Variants in FSTL4 observed in about 807,000 individuals in gnomAD.
FSTL4 encodes follistatin like 4.
Under a neutral mutation model 78.2 loss-of-function variants are expected in FSTL4, and 28 were observed. The ratio of observed to expected loss-of-function variants is 0.36; its 90% CI spans 0.27 to 0.49. The LOEUF is 0.49. FSTL4 is among the 20% of genes least tolerant of loss of function. FSTL4 has a pLI of 0.98. For synonymous variants in FSTL4, 422 were observed against 440.5 expected (o/e 0.96, Z 0.53); for missense variants, 922 against 1,084.9 (o/e 0.85, Z 2.11).
chr5:133,794,269 A>G, the FSTL4 span, among the ~76,000 whole-genome samples: 1 of 152,236 alleles, frequency 6.6e-6, no homozygotes, highest in Admixed American at 6.5e-5. Flanking sequence ...GGGGGCCACC[A>G]CTGTGTGTTT....
chr5:133,272,803 C>CT (rs1375585474), intron 6 of FSTL4, among the ~76,000 whole-genome samples: 1 of 152,234 alleles, frequency 6.6e-6, no homozygotes, highest in Non-Finnish European at 1.5e-5. Context: ...GGCAACAGAT[C>CT]TATAACTGTT....
chr5:133,364,009 A>G lies in FSTL4; in HGVS notation c.409+36729T>C, dbSNP rs1755125425. On this transcript the variant is annotated intron_variant, in intron 4 of 15. Coordinates refer to ENST00000265342, the MANE Select transcript of FSTL4 (RefSeq NM_015082.2). Reference sequence around the variant, plus strand: ...TCACCAGCCTTCCCGTAGATGCTTTAGCCCACCTCTGGGCCCTGAATGTGC... The same window carrying G: ...TCACCAGCCTTCCCGTAGATGCTTTGGCCCACCTCTGGGCCCTGAATGTGC... Among the ~76,000 whole-genome samples the G allele has an allele frequency of 2.0e-5, 3 of 152,226 alleles. No homozygotes were observed. In the South Asian group the frequency reaches 6.2e-4, roughly 32 times the overall value.
At chr5:133,449,350 G>A (rs947149428) in intron 3 of FSTL4, among the ~76,000 whole-genome samples, 9 of 152,216 alleles carry the variant, frequency 5.9e-5, no homozygotes, top group East Asian at 1.9e-4. Flanking sequence ...GTGGAGTTCC[G>A]TGGCATCAGG....
the FSTL4 span, among the ~76,000 whole-genome samples, chr5:133,820,535 T>C: frequency 2.6e-5 from 4 of 152,240 alleles, no homozygotes; most frequent in Non-Finnish European, 4.4e-5. Context: ...CTGTGGATCA[T>C]GTACATGGTC....
chr5:133,558,896 A>C (rs1759856073), intron 3 of FSTL4, among the ~76,000 whole-genome samples: 1 of 152,190 alleles, frequency 6.6e-6, no homozygotes, highest in Non-Finnish European at 1.5e-5. Context: ...ATCAGGAGAG[A>C]GAGTGTTGGC....
the FSTL4 span, among the ~76,000 whole-genome samples, chr5:133,668,500 G>T: frequency 2.0e-5 from 3 of 152,132 alleles, no homozygotes; most frequent in East Asian, 5.8e-4. Context: ...TACATTCTGC[G>T]AGCTGCCAGA....
At chr5:133,651,612 C>T in the FSTL4 span, among the ~76,000 whole-genome samples, 1 of 151,480 alleles carries the variant, frequency 6.6e-6, no homozygotes, top group African/African-American at 2.4e-5. Flanking sequence ...GTGTATAACT[C>T]CTTTTAAACA....
chr5:133,276,591 G>A (rs1752889826), intron 6 of FSTL4, among the ~76,000 whole-genome samples: 1 of 152,140 alleles, frequency 6.6e-6, no homozygotes, highest in South Asian at 2.1e-4. Context: ...GGGTACCTTG[G>A]GGCCAAAGGC....
chr5:133,325,123 T>G (rs1754174077), intron 4 of FSTL4, among the ~76,000 whole-genome samples: 1 of 152,204 alleles, frequency 6.6e-6, no homozygotes, highest in Admixed American at 6.5e-5. Context: ...GCATTGCTGG[T>G]CAGGAGAGCC....
At chr5:133,378,737 C>T (rs1755500536) in intron 4 of FSTL4, among the ~76,000 whole-genome samples, 1 of 151,762 alleles carries the variant, frequency 6.6e-6, no homozygotes, top group African/African-American at 2.4e-5. Flanking sequence ...ATATGGTAAA[C>T]CCCAGAAAAA....
intron 4 of FSTL4, among the ~76,000 whole-genome samples, chr5:133,378,939 C>T (rs931724541): frequency 1.3e-5 from 2 of 151,988 alleles, no homozygotes; most frequent in Non-Finnish European, 2.9e-5. Context: ...ATATTAAATG[C>T]TAATGAATTA....
intron 3 of FSTL4, among the ~76,000 whole-genome samples, chr5:133,479,323 C>G (rs1390017827): frequency 6.6e-6 from 1 of 152,202 alleles, no homozygotes; most frequent in African/African-American, 2.4e-5. Context: ...AGTGAATCAA[C>G]CAGAAGGCAC....
chr5:133,812,467 C>T, the FSTL4 span, among the ~76,000 whole-genome samples: 1 of 152,262 alleles, frequency 6.6e-6, no homozygotes, highest in Non-Finnish European at 1.5e-5. Context: ...TTCTCAAACA[C>T]ACCAGGCTTG....
chr5:133,512,708 C>T (rs1758759873), intron 3 of FSTL4, among the ~76,000 whole-genome samples: 1 of 152,172 alleles, frequency 6.6e-6, no homozygotes, highest in South Asian at 2.1e-4. Context: ...GATACCTGTA[C>T]ACTCAGAAGG....
the FSTL4 span, among the ~76,000 whole-genome samples, chr5:133,700,950 T>A: frequency 1.3e-5 from 2 of 152,338 alleles, no homozygotes; most frequent in Middle Eastern, 3.4e-3. Context: ...CCCCACGGAC[T>A]TGAGAAGGAC....
At chr5:133,749,175 G>C in the FSTL4 span, among the ~76,000 whole-genome samples, 1 of 152,224 alleles carries the variant, frequency 6.6e-6, no homozygotes, top group Non-Finnish European at 1.5e-5. Flanking sequence ...GGAATGCAGT[G>C]ATGAATGAAC....
Position 133,465,906 on chromosome 5 carries a change from C to T in FSTL4, c.161-64920G>A, listed in dbSNP as rs9686431. ...GATGGTTGAAGGCTCAACATCGTGGCTAGCTTATCGTAGAGACCAGACCTC... is the reference window on the plus strand; with the variant it reads ...GATGGTTGAAGGCTCAACATCGTGGTTAGCTTATCGTAGAGACCAGACCTC... On this transcript the variant is annotated intron_variant, in intron 3 of 15. Transcript: ENST00000265342. Among the ~76,000 whole-genome samples the T allele has an allele frequency of 9.4e-3, 1,425 of 152,366 alleles. 28 individuals carry two copies. Among genetic ancestry groups the T allele is most frequent in the African/African-American group, 0.032 (1,314 of 41,596 alleles).
At chr5:133,284,886 C>T (rs1753094324) in intron 6 of FSTL4, among the ~76,000 whole-genome samples, 2 of 152,074 alleles carry the variant, frequency 1.3e-5, no homozygotes, top group South Asian at 4.2e-4. Flanking sequence ...AACAGACCCA[C>T]GGGAAGAGAC....
chr5:133,596,088 G>A (rs1254380885), intron 2 of FSTL4, among the ~76,000 whole-genome samples: 1 of 152,228 alleles, frequency 6.6e-6, no homozygotes, highest in Non-Finnish European at 1.5e-5. Context: ...TATGGTGGGG[G>A]AGGAGGACAG....
Sources: gnomAD v4.1 joint callset for allele counts (sites outside exome capture counted in the v4.1 genomes callset) on GRCh38, gnomAD v4.1.1 for gene constraint, MANE v1.5 for transcripts, NCBI Gene and HGNC (gene_info 2026-07-23, HGNC 2026-07-21) for gene names.